The following RAB27B variants were observed in gnomAD, a reference collection of about 807,000 sequenced individuals.
RAB27B encodes the protein ras-related protein Rab-27B.
RAB27B carries 15 observed loss-of-function variants against 24.6 expected under a neutral mutation model. That is an observed-to-expected ratio of 0.61 (90% CI 0.41 to 0.94). The LOEUF is 0.94. RAB27B is among the 40% of genes least tolerant of loss of function. The pLI is 0.00. For synonymous variants in RAB27B, 105 were observed against 92.5 expected, an observed-to-expected ratio of 1.14 and a Z score of -0.78; for missense variants, 261 against 266.8, an observed-to-expected ratio of 0.98 and a Z score of 0.15.
chr18:54,887,969 C>A (rs556261958), intron 4 of RAB27B, 26 bp from the exon 5 acceptor site: 1 of 1,602,130 alleles, frequency 6.2e-7, no homozygotes. Flanking sequence ...CAATAACTTG[C>A]TGGTTCCATC....
chr18:54,881,793 G>C (rs535689684), intron 3 of RAB27B, among the ~76,000 whole-genome samples: 1 of 152,158 alleles, frequency 6.6e-6, no homozygotes, highest in Non-Finnish European at 1.5e-5. Context: ...TGGAACAAGC[G>C]TGTCCTATCC....
At chr18:54,808,152 A>G (rs558861593) in intron 2 of RAB27B, among the ~76,000 whole-genome samples, 1 of 152,198 alleles carries the variant, frequency 6.6e-6, no homozygotes, top group Middle Eastern at 3.2e-3. Context: ...AAGATTCTAC[A>G]TATTGTTTGT....
rs142240792 is a variant in RAB27B at position 54,869,054 on chromosome 18, T to G, written c.-19-8513T>G. Among the ~76,000 whole-genome samples, 187 of 152,320 alleles carry G rather than the reference T, an allele frequency of 1.2e-3. 2 individuals carry two copies. Among genetic ancestry groups the G allele is most frequent in the African/African-American group, 4.4e-3 (183 of 41,570 alleles). ...AAATTGTTTTAACTAACCCTGAGATTTGGGTCTTGTCTGCAAAACAGTGTT... is the reference window on the plus strand; with the variant it reads ...AAATTGTTTTAACTAACCCTGAGATGTGGGTCTTGTCTGCAAAACAGTGTT... On this transcript the variant is annotated intron_variant, in intron 1 of 5. Transcript: ENST00000262094.
chr18:54,795,471 CCTAA>C (rs1214558769), intron 2 of RAB27B, among the ~76,000 whole-genome samples: 2 of 152,082 alleles, frequency 1.3e-5, no homozygotes, highest in African/African-American at 2.4e-5. Flanking sequence ...ACTCCATCTC[CCTAA>C]CTAACTAAAA....
At chr18:54,766,636 C>A (rs963129062) in intron 2 of RAB27B, among the ~76,000 whole-genome samples, 3 of 152,056 alleles carry the variant, frequency 2.0e-5, no homozygotes, top group Non-Finnish European at 2.9e-5. Context: ...CCTCTGCATA[C>A]CAATCTGTGA....
At chr18:54,825,974 T>C (rs1910458372), upstream of RAB27B, among the ~76,000 whole-genome samples, 2 of 152,350 alleles carry the variant, frequency 1.3e-5, no homozygotes, top group South Asian at 2.1e-4. Flanking sequence ...GTGTATAGAA[T>C]CCTCTGCTCT....
intron 2 of RAB27B, among the ~76,000 whole-genome samples, chr18:54,732,376 A>C (rs2144993683): frequency 6.6e-6 from 1 of 152,336 alleles, no homozygotes; most frequent in East Asian, 1.9e-4. Flanking sequence ...TGGAATATAT[A>C]AAGTGATATT....
rs1404122683 is a variant in RAB27B, at chr18:54,812,038, G to GT, written c.-19-65528dup. Among the ~76,000 whole-genome samples the GT allele has an allele frequency of 3.9e-5, 6 of 152,286 alleles. No individual in the cohort carries two copies. The South Asian group carries it at 1.2e-3, about 32-fold the overall frequency. On this transcript the variant is annotated intron_variant, in intron 2 of 4. Transcript: ENST00000586570. ...ATGACTCCTAGTGAGGGGATTTTGT[G>GT]TAAGTTTGCTCTGATAAGGTAATAA...
At chr18:54,879,273 T>C in intron 2 of RAB27B, 96 bp from the exon 3 acceptor site, 1 of 886,770 alleles carries the variant, frequency 1.1e-6, no homozygotes, top group Non-Finnish European at 1.9e-6. Context: ...ACTTTGATTA[T>C]AGTAATTGAG....
At chr18:54,742,876 C>T (rs1030787392) in intron 2 of RAB27B, among the ~76,000 whole-genome samples, 1 of 152,164 alleles carries the variant, frequency 6.6e-6, no homozygotes, top group African/African-American at 2.4e-5. Context: ...TGCAGGAAAG[C>T]CTTGCAAATT....
chr18:54,797,469 T>C (rs1317369243), intron 2 of RAB27B, among the ~76,000 whole-genome samples: 3 of 152,118 alleles, frequency 2.0e-5, no homozygotes, highest in African/African-American at 4.8e-5. Flanking sequence ...TGAGCTGAGA[T>C]TGCACCACTG....
chr18:54,772,294 A>G (rs968490330), intron 2 of RAB27B, among the ~76,000 whole-genome samples: 3 of 152,200 alleles, frequency 2.0e-5, no homozygotes, highest in Non-Finnish European at 4.4e-5. Context: ...TTCTTGGACC[A>G]TTTCCTCTCT....
chr18:54,754,805 G>A (rs542307579), intron 2 of RAB27B, among the ~76,000 whole-genome samples: 3 of 152,308 alleles, frequency 2.0e-5, no homozygotes, highest in African/African-American at 7.2e-5. Context: ...TGGACTTTCT[G>A]TTGTTGGAGT....
chr18:54,805,848 G>A (rs1260282524), intron 2 of RAB27B, among the ~76,000 whole-genome samples: 1 of 152,138 alleles, frequency 6.6e-6, no homozygotes, highest in Non-Finnish European at 1.5e-5. Context: ...ATGCCTCAGA[G>A]AAGCATTTAA....
chr18:54,863,450 ATAAT>A (rs1348402199), intron 1 of RAB27B, among the ~76,000 whole-genome samples: 15 of 152,224 alleles, frequency 9.9e-5, no homozygotes, highest in African/African-American at 3.6e-4. Flanking sequence ...GTAGGCCTGA[ATAAT>A]TATTGTAAGA....
At chr18:54,729,138 A>G (rs973668795) in intron 2 of RAB27B, among the ~76,000 whole-genome samples, 8 of 152,088 alleles carry the variant, frequency 5.3e-5, no homozygotes, top group Non-Finnish European at 1.2e-4. Flanking sequence ...TCAAGGAGAC[A>G]GTCTACGGGT....
At chr18:54,825,430 G>A (rs998119728), upstream of RAB27B, among the ~76,000 whole-genome samples, 9 of 151,870 alleles carry the variant, frequency 5.9e-5, no homozygotes, top group African/African-American at 2.2e-4. Flanking sequence ...TTTCTGCATA[G>A]AAAGAAGTCT....
chr18:54,752,344 A>G (rs1017141075), intron 2 of RAB27B, among the ~76,000 whole-genome samples: 14 of 152,278 alleles, frequency 9.2e-5, no homozygotes, highest in African/African-American at 3.4e-4. Context: ...GAAACAATCC[A>G]TGCTCCAAAG....
intron 2 of RAB27B, among the ~76,000 whole-genome samples, chr18:54,798,162 T>C (rs1337682598): frequency 6.6e-6 from 1 of 152,238 alleles, no homozygotes; most frequent in African/African-American, 2.4e-5. Context: ...TTCTTCCCAT[T>C]GGTTAGCAAT....
Sources: gnomAD v4.1 joint callset for allele counts (sites outside exome capture counted in the v4.1 genomes callset) on GRCh38, gnomAD v4.1.1 for gene constraint, MANE v1.5 for transcripts, NCBI Gene and HGNC (gene_info 2026-07-23, HGNC 2026-07-21) for gene names.